PABPC4: variants seen among roughly 807,000 people sequenced by gnomAD.
PABPC4 encodes the protein poly(A) binding protein cytoplasmic 4.
Under a neutral mutation model 74.5 loss-of-function variants are expected in PABPC4, and 15 were observed. That is an observed-to-expected ratio of 0.20 (90% CI 0.13 to 0.31). The LOEUF (loss-of-function observed/expected upper bound fraction) is 0.31, where lower values mean the gene tolerates loss of function less well. Ranked by LOEUF, PABPC4 falls within the 10% of genes least tolerant of loss-of-function variation. The pLI is 1.00. For missense variants in PABPC4, 610 were observed against 853.5 expected, an observed-to-expected ratio of 0.71 and a Z score of 3.55; for synonymous variants, 345 against 303.0, an observed-to-expected ratio of 1.14 and a Z score of -1.44.
chr1:39,572,865 G>A (rs148239659), intron 1 of PABPC4, among the ~76,000 whole-genome samples: 1 of 152,174 alleles, frequency 6.6e-6, no homozygotes, highest in African/African-American at 2.4e-5. Flanking sequence ...AATCTAAATG[G>A]CCTTAATGAC....
chr1:39,573,960 G>A (rs554884126), intron 1 of PABPC4, among the ~76,000 whole-genome samples: 5 of 152,114 alleles, frequency 3.3e-5, no homozygotes, highest in Non-Finnish European at 7.3e-5. Context: ...ATCTCCTAAC[G>A]GTGACATCAC....
Position 39,575,799 on chromosome 1 carries a change from G to A in PABPC4, c.153C>T (p.Ser51=), listed in dbSNP as rs1432420983. The change falls in exon 1 of 16, where the codon TCC becomes TCT. Residue 51 remains serine (S), a synonymous_variant. Coordinates refer to ENST00000372858, the MANE Select transcript of PABPC4 (RefSeq NM_001135653.2). The part of the protein sequence containing the change: ...RVCRDMITRR[S]LGYAYVNFQQ... ...GGAAGTTGACGTAGGCATAGCCCAGGGAGCGGCGGGTGATCATATCGCGGC... is the reference window on the plus strand; with the variant it reads ...GGAAGTTGACGTAGGCATAGCCCAGAGAGCGGCGGGTGATCATATCGCGGC... The A allele has an allele frequency of 1.9e-6, 3 of 1,603,772 alleles. No individual in the cohort carries two copies. In the African/African-American group the frequency reaches 4.0e-5, roughly 22 times the overall value.
rs1225334392 is a variant in PABPC4, at chr1:39,565,019, T to C, written c.1245+87A>G. 23 of 1,417,684 alleles carry C rather than the reference T, an allele frequency of 1.6e-5. No homozygotes were observed. The East Asian group carries it at 5.0e-4, about 31-fold the overall frequency. The allele number at this position is 1,417,684 out of a possible 1,614,324, so 87.8% of individuals were successfully genotyped here. A position where few individuals can be genotyped will look rare whatever the true frequency, so the allele number is the denominator to read the frequency against. Reference sequence around the variant, plus strand: ...TCCTTATTGTGACATTCTAGAACTCTAATAACGAAAAATCCCTCTCCCCAA... The same window carrying C: ...TCCTTATTGTGACATTCTAGAACTCCAATAACGAAAAATCCCTCTCCCCAA... On this transcript the variant is annotated intron_variant, in intron 8 of 15. Coordinates refer to ENST00000372858, the MANE Select transcript of PABPC4 (RefSeq NM_001135653.2).
intron 1 of PABPC4, among the ~76,000 whole-genome samples, chr1:39,575,405 T>A (rs951735545): frequency 1.3e-5 from 2 of 152,136 alleles, no homozygotes; most frequent in African/African-American, 2.4e-5. Context: ...GGCCAGCCTG[T>A]GAGGGGCACA....
chr1:39,561,947 T>G, intron 14 of PABPC4, 126 bp downstream of exon 14: 1 of 1,221,208 alleles, frequency 8.2e-7, no homozygotes. Context: ...CCAGTCACAG[T>G]CAAGGCATGA....
chr1:39,568,668 A>T, intron 6 of PABPC4, 134 bp downstream of exon 6: 1 of 801,374 alleles, frequency 1.2e-6, no homozygotes, highest in East Asian at 2.4e-5. Flanking sequence ...ATCCTTTTAA[A>T]CCTCATCTTT....
chr1:39,569,822 G>A, intron 4 of PABPC4, 41 bp downstream of exon 4: 1 of 1,610,618 alleles, frequency 6.2e-7, no homozygotes, highest in Non-Finnish European at 8.5e-7. Flanking sequence ...AAACAGATGG[G>A]TCTGGTAGAC....
chr1:39,564,899 G>T (rs937553710), intron 8 of PABPC4, 126 bp from the exon 9 acceptor site: 1 of 902,624 alleles, frequency 1.1e-6, no homozygotes. Context: ...TTCAAGAGCT[G>T]AGGGGTCAGC....
intron 3 of PABPC4, among the ~76,000 whole-genome samples, chr1:39,570,274 T>C (rs1400813355): frequency 6.6e-6 from 1 of 152,244 alleles, no homozygotes; most frequent in Non-Finnish European, 1.5e-5. Flanking sequence ...ATGGCCATGT[T>C]TTTAAAATGT....
At chr1:39,561,424 T>C (rs1645767514) in intron 15 of PABPC4, 2 of 432,710 alleles carry the variant, frequency 4.6e-6, no homozygotes, top group Non-Finnish European at 8.6e-6. Context: ...TTAGCTTATT[T>C]TACTGTCTCT....
intron 8 of PABPC4, 81 bp downstream of exon 8, chr1:39,565,025 C>T (rs951398739): frequency 5.5e-6 from 8 of 1,464,012 alleles, no homozygotes; most frequent in South Asian, 3.6e-5. Flanking sequence ...ACTCTAATAA[C>T]GAAAAATCCC....
At chr1:39,575,344 T>C (rs1646008534) in intron 1 of PABPC4, among the ~76,000 whole-genome samples, 2 of 152,208 alleles carry the variant, frequency 1.3e-5, no homozygotes, top group African/African-American at 4.8e-5. Context: ...GCAGGAGCTT[T>C]ACAATGTAAA....
chr1:39,575,859 G>T lies in PABPC4; in HGVS notation c.93C>A (p.Phe31Leu), dbSNP rs374479943. 3.1e-6 allele frequency: 5 copies of T among 1,612,700 alleles called. No homozygotes were observed. Among genetic ancestry groups the T allele is most frequent in the East Asian group, 2.2e-5 (1 of 44,766 alleles). Residue 31 changes from phenylalanine to leucine, a missense_variant, in exon 1 of 16, where the codon TTC becomes TTA. Transcript: ENST00000372858. ...DVTEAMLYEK[F>L]SPAGPVLSIR... is the part of the protein sequence containing the mutation. ...TGGACAGCACAGGCCCCGCGGGGCT[G>T]AACTTTTCGTACAGCATGGCCTCGG...
chr1:39,573,414 T>A (rs948238946), intron 1 of PABPC4, among the ~76,000 whole-genome samples: 5 of 152,194 alleles, frequency 3.3e-5, no homozygotes, highest in African/African-American at 9.6e-5. Flanking sequence ...TTCTGTAGAA[T>A]TCTAGGACTT....
chr1:39,563,414 A>C (rs1311180283), intron 12 of PABPC4, 200 bp downstream of exon 12: 1 of 596,690 alleles, frequency 1.7e-6, no homozygotes, highest in Non-Finnish European at 2.8e-6. Flanking sequence ...TTCTGAGTGA[A>C]CTGGCATCAG....
At chr1:39,569,761 G>C (rs1332396487) in intron 4 of PABPC4, 72 bp from the exon 5 acceptor site, 16 of 1,585,524 alleles carry the variant, frequency 1.0e-5, no homozygotes, top group Non-Finnish European at 1.2e-5. Flanking sequence ...CTTCCCTCTG[G>C]AAACTCACTT....
chr1:39,564,585 A>C (rs368298210), intron 9 of PABPC4, 43 bp from the exon 10 acceptor site: 31 of 1,613,052 alleles, frequency 1.9e-5, no homozygotes, highest in African/African-American at 2.7e-5. Flanking sequence ...AGTGATGTGG[A>C]CCAGAACCTA....
At chr1:39,570,453 C>A (rs1420476165) in intron 3 of PABPC4, 1 of 158,322 alleles carries the variant, frequency 6.3e-6, no homozygotes, top group Non-Finnish European at 1.4e-5. Context: ...TTTATCCATG[C>A]ACTGACATTT....
chr1:39,573,652 T>C (rs1645974094), intron 1 of PABPC4, among the ~76,000 whole-genome samples: 1 of 152,114 alleles, frequency 6.6e-6, no homozygotes, highest in Admixed American at 6.6e-5. Context: ...AAACCCCATC[T>C]CTACTAAAAA....
Sources: allele counts gnomAD v4.1 joint callset (sites outside exome capture counted in the v4.1 genomes callset), GRCh38; gene constraint gnomAD v4.1.1; transcripts MANE v1.5; gene names NCBI Gene and HGNC (gene_info 2026-07-23, HGNC 2026-07-21).